DNAAF9: variants seen among roughly 807,000 people sequenced by gnomAD.
DNAAF9 encodes the protein shulin.
A neutral mutation model predicts 167.0 loss-of-function variants in DNAAF9; 90 were observed. The observed-to-expected ratio is 0.54, with a 90% confidence interval of 0.45 to 0.64. DNAAF9 has a LOEUF of 0.64. Among genes scored for constraint, DNAAF9 ranks in the 30% least tolerant of loss-of-function variants. The pLI is 0.00. For synonymous variants in DNAAF9, 491 were observed against 508.8 expected (o/e 0.96, Z 0.47); for missense variants, 1,315 against 1,442.2 (o/e 0.91, Z 1.43).
chr20:3,378,332 A>ATTGTGTGCAGTGGTGAGCT (rs2083602871), intron 3 of DNAAF9, among the ~76,000 whole-genome samples: 1 of 152,178 alleles, frequency 6.6e-6, no homozygotes, highest in Non-Finnish European at 1.5e-5. Context: ...AGGAAGAGTT[A>ATTGTGTGCAGTGGTGAGCT]TTGTGTGCAG....
At chr20:3,337,304 C>T (rs1390711384) in intron 10 of DNAAF9, among the ~76,000 whole-genome samples, 2 of 150,180 alleles carry the variant, frequency 1.3e-5, no homozygotes, top group Non-Finnish European at 3.0e-5. Context: ...TGCTCTGCTG[C>T]CCAGGCTGGA....
At chr20:3,308,776 A>C (rs367926610) in intron 20 of DNAAF9, among the ~76,000 whole-genome samples, 2 of 151,686 alleles carry the variant, frequency 1.3e-5, no homozygotes, top group African/African-American at 4.8e-5. Flanking sequence ...CTGGAGTTTG[A>C]GACCAGCCTA....
At chr20:3,336,040 T>C (rs560355891) in intron 10 of DNAAF9, among the ~76,000 whole-genome samples, 1 of 152,206 alleles carries the variant, frequency 6.6e-6, no homozygotes, top group East Asian at 1.9e-4. Flanking sequence ...TGAGAATTGC[T>C]TGAACCCAGG....
chr20:3,389,613 A>G (rs1215007754), intron 1 of DNAAF9, among the ~76,000 whole-genome samples: 6 of 152,136 alleles, frequency 3.9e-5, no homozygotes, highest in Admixed American at 1.3e-4. Context: ...CCAAAAAAAA[A>G]AGAGAAATAG....
chr20:3,398,125 T>C (rs1052653253), intron 1 of DNAAF9, among the ~76,000 whole-genome samples: 68 of 152,264 alleles, frequency 4.5e-4, no homozygotes, highest in African/African-American at 1.6e-3. Flanking sequence ...AGAAGAGAAA[T>C]GGCCTCCAGG....
intron 8 of DNAAF9, among the ~76,000 whole-genome samples, chr20:3,347,666 G>A (rs1045511465): frequency 4.1e-5 from 6 of 145,828 alleles, no homozygotes; most frequent in Admixed American, 6.7e-5. Context: ...GATGGCTCAC[G>A]CCTGTAATCT....
intron 3 of DNAAF9, among the ~76,000 whole-genome samples, chr20:3,380,063 A>T (rs2083627408): frequency 6.6e-6 from 1 of 152,244 alleles, no homozygotes; most frequent in Non-Finnish European, 1.5e-5. Context: ...TTCAAAAAGA[A>T]AAGATGAAAA....
In DNAAF9 at chr20:3,252,280, T is replaced by A. The variant is rs1163938366; in HGVS notation, c.*292A>T. On this transcript the variant is annotated 3_prime_UTR_variant, in exon 37 of 37. Coordinates refer to ENST00000252032, the MANE Select transcript of DNAAF9 (RefSeq NM_001009984.3). ...CCCAACCTCAAGAGCCCAAAGGAGATCCTGTTATCAGAAACCCAGAGCTCC... is the reference window on the plus strand; with the variant it reads ...CCCAACCTCAAGAGCCCAAAGGAGAACCTGTTATCAGAAACCCAGAGCTCC... 1.1e-5 allele frequency: 3 copies of A among 285,084 alleles called. No individual in the cohort carries two copies. In the East Asian group the frequency reaches 2.5e-4, roughly 24 times the overall value. The allele number at this position is 285,084 out of a possible 1,614,324, so 17.7% of individuals were successfully genotyped here. A position where few individuals can be genotyped will look rare whatever the true frequency, so the allele number is the denominator to read the frequency against.
chr20:3,388,807 A>C (rs1436741577), intron 1 of DNAAF9, among the ~76,000 whole-genome samples: 2 of 152,094 alleles, frequency 1.3e-5, no homozygotes, highest in East Asian at 1.9e-4. Context: ...GGGAATGGGG[A>C]GTTATTGTTT....
At chr20:3,388,266 T>G (rs1399824769) in intron 1 of DNAAF9, among the ~76,000 whole-genome samples, 1 of 152,108 alleles carries the variant, frequency 6.6e-6, no homozygotes, top group African/African-American at 2.4e-5. Flanking sequence ...CATCAAGGAT[T>G]TGGAGAAATT....
Position 3,375,043 on chromosome 20 carries a change from A to T in DNAAF9, c.492T>A (p.Pro164=). The change falls in exon 5 of 37, where the codon CCT becomes CCA. Residue 164 remains proline, a synonymous_variant. Transcript: ENST00000252032. The part of the protein sequence containing the change: ...MVRDCSRIGI[P]YSSQGHLQIF... ...TCAGATACTCACCTTGGGAGCTGTAAGGAATGCCAATTCTACTACAGTCTC... is the reference window on the plus strand; with the variant it reads ...TCAGATACTCACCTTGGGAGCTGTATGGAATGCCAATTCTACTACAGTCTC... 1.9e-6 allele frequency: 3 copies of T among 1,595,542 alleles called. No individual in the cohort carries two copies. The highest frequency in any genetic ancestry group is 1.7e-6 in the Non-Finnish European group (2 of 1,163,208).
At chr20:3,298,311 G>C in intron 21 of DNAAF9, 136 bp from the exon 22 acceptor site, 1 of 734,964 alleles carries the variant, frequency 1.4e-6, no homozygotes, top group Non-Finnish European at 2.2e-6. Context: ...GTTCAGTATA[G>C]ATGTGCTTTA....
chr20:3,398,593 G>C, intron 1 of DNAAF9, among the ~76,000 whole-genome samples: 1 of 152,052 alleles, frequency 6.6e-6, no homozygotes, highest in Non-Finnish European at 1.5e-5. Context: ...ATAGAATCTA[G>C]GTATGGTATA....
chr20:3,387,635 TA>T (rs1360542344), intron 1 of DNAAF9, among the ~76,000 whole-genome samples: 1 of 152,010 alleles, frequency 6.6e-6, no homozygotes, highest in African/African-American at 2.4e-5. Flanking sequence ...AAAAAATATA[TA>T]AACTGGACAT....
Position 3,251,418 on chromosome 20 carries a change from C to T in DNAAF9, c.*1154G>A, listed in dbSNP as rs2068192652. ...GCACTGAAGTCCTAAGAGACATCACCTAAATATCAGTGGCTGTGACTCCCC... is the reference window on the plus strand; with the variant it reads ...GCACTGAAGTCCTAAGAGACATCACTTAAATATCAGTGGCTGTGACTCCCC... On this transcript the variant is annotated 3_prime_UTR_variant, in exon 37 of 37. Transcript: ENST00000252032. The T allele has an allele frequency of 6.6e-6, 1 of 152,206 alleles. No homozygotes were observed. The highest frequency in any genetic ancestry group is 1.5e-5 in the Non-Finnish European group (1 of 68,038). The allele number at this position is 152,206 out of a possible 1,614,324, so 9.4% of individuals were successfully genotyped here.
Position 3,259,981 on chromosome 20 carries a change from T to C in DNAAF9, c.2921A>G (p.Gln974Arg), listed in dbSNP as rs1305066837. The change falls in exon 32 of 37, where the codon CAG becomes CGG. Residue 974 changes from glutamine (Q) to arginine (R), a missense_variant. This residue lies in a region of DNAAF9 where 334 missense variants were observed against 429.7 expected (regional missense o/e 0.78). Transcript: ENST00000252032. ...NAGSVYPLMV[Q>R]ICVWFGRPLE... ...GGGACGGCCAAACCATACGCAGATC[T>C]GAACCATTAGGGGATAGACTGATCC... 3.1e-6 allele frequency: 5 copies of C among 1,613,084 alleles called. No homozygotes were observed. In the African/African-American group the frequency reaches 6.7e-5, roughly 22 times the overall value.
chr20:3,355,557 G>C (rs2083273150), intron 7 of DNAAF9, among the ~76,000 whole-genome samples: 1 of 150,302 alleles, frequency 6.7e-6, no homozygotes, highest in Non-Finnish European at 1.5e-5. Context: ...CTGGGTGACA[G>C]TGAGACTGTG....
chr20:3,269,076 G>A (rs2068542894), intron 30 of DNAAF9, among the ~76,000 whole-genome samples: 1 of 151,246 alleles, frequency 6.6e-6, no homozygotes, highest in Admixed American at 6.6e-5. Flanking sequence ...GCTAATTTCT[G>A]TATTTTTTTA....
chr20:3,330,750 G>T, intron 11 of DNAAF9, 68 bp from the exon 12 acceptor site: 2 of 854,236 alleles, frequency 2.3e-6, no homozygotes, highest in Non-Finnish European at 3.7e-6. Context: ...AAGGAAGCTA[G>T]AAATGCTTAA....
Sources: gnomAD v4.1 joint callset for allele counts (sites outside exome capture counted in the v4.1 genomes callset) on GRCh38, gnomAD v4.1.1 for gene constraint, gnomAD v4.1.1 regional missense constraint, MANE v1.5 for transcripts, NCBI Gene and HGNC (gene_info 2026-07-23, HGNC 2026-07-21) for gene names.